CEP112: variants seen among roughly 807,000 people sequenced by gnomAD.
CEP112 encodes the protein centrosomal protein of 112 kDa.
A neutral mutation model predicts 153.0 loss-of-function variants in CEP112; 127 were observed. That is an observed-to-expected ratio of 0.83 (90% CI 0.72 to 0.96). The LOEUF is 0.96. Among genes scored for constraint, CEP112 ranks in the 40% least tolerant of loss-of-function variants. CEP112 has a pLI of 0.00. For missense variants in CEP112, 1,089 were observed against 1,101.2 expected, an observed-to-expected ratio of 0.99 and a Z score of 0.16; for synonymous variants, 358 against 374.4, an observed-to-expected ratio of 0.96 and a Z score of 0.51.
rs1191678523 is a variant in CEP112 at position 66,069,969 on chromosome 17, T to C, written c.801A>G (p.Lys267=). 7.5e-6 allele frequency: 12 copies of C among 1,607,538 alleles called. No homozygotes were observed. In the East Asian group the frequency reaches 2.7e-4, roughly 36 times the overall value. ...GCAGTTTAAGCTTTTCTTCATGAAA[T>C]TTAGCTTCCATCATTTTTGTTTTCA... The part of the protein sequence containing the change: ...LDMKTKMMEA[K]FHEEKLKLQQ... The change falls in exon 9 of 27, where the codon AAA becomes AAG. Residue 267 remains lysine (K), a synonymous_variant. Transcript: ENST00000535342.
At chr17:66,017,681 C>T (rs1199856593) in intron 16 of CEP112, among the ~76,000 whole-genome samples, 1 of 151,962 alleles carries the variant, frequency 6.6e-6, no homozygotes, top group Non-Finnish European at 1.5e-5. Flanking sequence ...GAGAACAGAT[C>T]AATACTTTTG....
intron 23 of CEP112, among the ~76,000 whole-genome samples, chr17:65,706,778 C>T (rs2048936252): frequency 6.6e-6 from 1 of 152,232 alleles, no homozygotes; most frequent in Non-Finnish European, 1.5e-5. Context: ...CTCTTCAGCC[C>T]TATGGCTATT....
At chr17:66,094,276 T>A (rs1370176168) in intron 8 of CEP112, among the ~76,000 whole-genome samples, 2 of 151,988 alleles carry the variant, frequency 1.3e-5, no homozygotes, top group Non-Finnish European at 2.9e-5. Flanking sequence ...GCCAGGCTGG[T>A]CTCAAACTCC....
At chr17:65,965,552 T>C (rs2062382898) in intron 17 of CEP112, among the ~76,000 whole-genome samples, 1 of 148,002 alleles carries the variant, frequency 6.8e-6, no homozygotes, top group African/African-American at 2.5e-5. Flanking sequence ...AGACAGGGTA[T>C]TGCTCTGTCG....
intron 6 of CEP112, among the ~76,000 whole-genome samples, chr17:66,125,040 A>G (rs2069777092): frequency 6.6e-6 from 1 of 152,180 alleles, no homozygotes; most frequent in Non-Finnish European, 1.5e-5. Flanking sequence ...TTTATGAATA[A>G]TAAATATTTA....
intron 24 of CEP112, among the ~76,000 whole-genome samples, chr17:65,665,383 G>C (rs112178847): frequency 0.024 from 3,701 of 152,278 alleles, 160 homozygotes; most frequent in African/African-American, 0.084. Context: ...CAACTCAAGG[G>C]TGTGCTTCAT....
At chr17:65,972,818 C>T (rs2062892453) in intron 17 of CEP112, among the ~76,000 whole-genome samples, 1 of 152,170 alleles carries the variant, frequency 6.6e-6, no homozygotes, top group African/African-American at 2.4e-5. Context: ...CAGGCTGGAG[C>T]ACAGTGGTGT....
intron 6 of CEP112, among the ~76,000 whole-genome samples, chr17:66,109,440 C>T (rs904297683): frequency 1.3e-5 from 2 of 151,596 alleles, no homozygotes; most frequent in African/African-American, 2.4e-5. Flanking sequence ...TTACATTTAA[C>T]ATGTACCCTA....
At chr17:65,847,247 A>G (rs1256776665) in intron 21 of CEP112, among the ~76,000 whole-genome samples, 1 of 152,150 alleles carries the variant, frequency 6.6e-6, no homozygotes, top group East Asian at 1.9e-4. Context: ...TCCCTTCTAA[A>G]TTCTGGGATC....
At chr17:65,836,536 A>G (rs1204141094) in intron 21 of CEP112, among the ~76,000 whole-genome samples, 1 of 152,170 alleles carries the variant, frequency 6.6e-6, no homozygotes, top group Non-Finnish European at 1.5e-5. Context: ...GTAAAAAGAG[A>G]GACAAAGAAT....
chr17:66,002,445 A>G (rs1047035066), intron 17 of CEP112, among the ~76,000 whole-genome samples: 67 of 152,186 alleles, frequency 4.4e-4, no homozygotes, highest in African/African-American at 1.5e-3. Context: ...TATTCTATGG[A>G]AGGAGTATAT....
chr17:65,858,798 T>G (rs542853829), intron 20 of CEP112, among the ~76,000 whole-genome samples: 5 of 152,338 alleles, frequency 3.3e-5, no homozygotes, highest in Admixed American at 2.6e-4. Flanking sequence ...ATCAATTATT[T>G]CTAAGTATTT....
At chr17:65,687,532 T>G (rs1397823551) in intron 24 of CEP112, among the ~76,000 whole-genome samples, 1 of 152,160 alleles carries the variant, frequency 6.6e-6, no homozygotes, top group East Asian at 1.9e-4. Context: ...GTGTATTACA[T>G]AGACATTATA....
chr17:65,796,045 T>C (rs913038718), intron 21 of CEP112, among the ~76,000 whole-genome samples: 6 of 152,044 alleles, frequency 3.9e-5, no homozygotes, highest in Non-Finnish European at 7.4e-5. Context: ...CTTCCTCGAG[T>C]GCTCCCAACA....
chr17:65,796,892 A>G (rs12937246), intron 21 of CEP112, among the ~76,000 whole-genome samples: 5 of 147,694 alleles, frequency 3.4e-5, no homozygotes, highest in African/African-American at 9.9e-5. Context: ...AAAAAAAAAG[A>G]CAAGAAAAAA....
chr17:65,739,660 C>T (rs1174398351), intron 23 of CEP112, among the ~76,000 whole-genome samples: 4 of 151,940 alleles, frequency 2.6e-5, no homozygotes, highest in South Asian at 4.2e-4. Flanking sequence ...TGCTTGAACC[C>T]GGGAGGCGGA....
At chr17:66,121,494 G>A (rs759624316) in intron 6 of CEP112, among the ~76,000 whole-genome samples, 7 of 152,128 alleles carry the variant, frequency 4.6e-5, no homozygotes, top group Non-Finnish European at 1.0e-4. Context: ...ATATGTTGGT[G>A]CACTTATGGT....
chr17:66,040,698 C>T (rs1292786253), intron 12 of CEP112, among the ~76,000 whole-genome samples: 2 of 108,076 alleles, frequency 1.9e-5, no homozygotes, highest in African/African-American at 3.8e-5. Context: ...GCCATGTTGG[C>T]CAGGCTGTCT....
intron 12 of CEP112, among the ~76,000 whole-genome samples, chr17:66,032,401 T>C (rs2065528112): frequency 6.6e-6 from 1 of 151,550 alleles, no homozygotes; most frequent in Non-Finnish European, 1.5e-5. Context: ...TTCTGCAGTA[T>C]CAGTGTACTT....
Sources: gnomAD v4.1 joint callset for allele counts (sites outside exome capture counted in the v4.1 genomes callset) on GRCh38, gnomAD v4.1.1 for gene constraint, MANE v1.5 for transcripts, NCBI Gene and HGNC (gene_info 2026-07-23, HGNC 2026-07-21) for gene names.